Variants in ARHGAP24 observed in about 807,000 individuals in gnomAD.
ARHGAP24 encodes Rho GTPase activating protein 24, also known as rho GTPase-activating protein 24.
Under a neutral mutation model 76.4 loss-of-function variants are expected in ARHGAP24, and 50 were observed. The ratio of observed to expected loss-of-function variants is 0.65; its 90% confidence interval spans 0.52 to 0.83. The LOEUF (loss-of-function observed/expected upper bound fraction) is 0.83, where lower values mean the gene tolerates loss of function less well. ARHGAP24 is among the 40% of genes least tolerant of loss of function. The probability of loss-of-function intolerance (pLI) is 0.00; values close to 1 mark genes in which losing one functional copy is unlikely to be tolerated. For synonymous variants in ARHGAP24, 345 were observed against 323.3 expected, an observed-to-expected ratio of 1.07 and a Z score of -0.72; for missense variants, 930 against 914.2, an observed-to-expected ratio of 1.02 and a Z score of -0.22.
At chr4:85,964,301 T>G (rs1738439238) in intron 5 of ARHGAP24, among the ~76,000 whole-genome samples, 1 of 151,940 alleles carries the variant, frequency 6.6e-6, no homozygotes, top group South Asian at 2.1e-4. Context: ...GAAAAAAAAA[T>G]GCTAAAAGAG....
intron 2 of ARHGAP24, among the ~76,000 whole-genome samples, chr4:85,623,396 C>T (rs1265580882): frequency 6.6e-6 from 1 of 152,182 alleles, no homozygotes; most frequent in Non-Finnish European, 1.5e-5. Flanking sequence ...TGTCAAAGAT[C>T]AGATAGTGGT....
chr4:85,586,580 G>A (rs1033975625), intron 2 of ARHGAP24, among the ~76,000 whole-genome samples: 8 of 152,100 alleles, frequency 5.3e-5, no homozygotes, highest in East Asian at 1.9e-4. Flanking sequence ...ATTATAATTC[G>A]TATAAGGGAT....
At chr4:85,674,862 G>A (rs1015564173) in intron 2 of ARHGAP24, among the ~76,000 whole-genome samples, 3 of 152,156 alleles carry the variant, frequency 2.0e-5, no homozygotes, top group Admixed American at 6.5e-5. Flanking sequence ...ATTTGTCTGA[G>A]AGTTCCTTAT....
At chr4:85,992,146 A>G in intron 8 of ARHGAP24, 2 of 397,850 alleles carry the variant, frequency 5.0e-6, no homozygotes, top group Non-Finnish European at 8.9e-6. Flanking sequence ...TCTGGGCTTC[A>G]TGTTCCTCAT....
chr4:85,592,146 T>C (rs935550544), intron 2 of ARHGAP24, among the ~76,000 whole-genome samples: 2 of 152,182 alleles, frequency 1.3e-5, no homozygotes, highest in African/African-American at 4.8e-5. Flanking sequence ...ACAAAGAACT[T>C]TGTTTTCTCT....
At chr4:85,565,122 T>C (rs1726788918) in intron 1 of ARHGAP24, among the ~76,000 whole-genome samples, 1 of 151,562 alleles carries the variant, frequency 6.6e-6, no homozygotes, top group African/African-American at 2.4e-5. Context: ...ACCTAGCACG[T>C]AGACATACAG....
chr4:85,930,972 C>A, intron 4 of ARHGAP24: 1 of 1,613,630 alleles, frequency 6.2e-7, no homozygotes, highest in Non-Finnish European at 8.5e-7. Context: ...CGGCTGGTGC[C>A]TTAGCCTCAA....
At chr4:85,721,164 G>A (rs969370980) in intron 2 of ARHGAP24, among the ~76,000 whole-genome samples, 2 of 152,144 alleles carry the variant, frequency 1.3e-5, no homozygotes, top group African/African-American at 2.4e-5. Flanking sequence ...GGGAAGCCGA[G>A]GCAGGTGGAT....
intron 3 of ARHGAP24, among the ~76,000 whole-genome samples, chr4:85,791,851 G>C (rs534886810): frequency 6.6e-6 from 1 of 152,202 alleles, no homozygotes; most frequent in Non-Finnish European, 1.5e-5. Flanking sequence ...GTTTTGATAG[G>C]AAATGGGAAT....
At chr4:85,919,601 A>G (rs1185836299) in intron 3 of ARHGAP24, among the ~76,000 whole-genome samples, 1 of 152,164 alleles carries the variant, frequency 6.6e-6, no homozygotes, top group Non-Finnish European at 1.5e-5. Flanking sequence ...TGTGATTGGC[A>G]GTCTAAATGA....
intron 1 of ARHGAP24, among the ~76,000 whole-genome samples, chr4:85,480,538 C>T (rs902725319): frequency 6.6e-6 from 1 of 152,108 alleles, no homozygotes; most frequent in African/African-American, 2.4e-5. Context: ...ATGATGAAAA[C>T]AGATTGAATA....
intron 3 of ARHGAP24, among the ~76,000 whole-genome samples, chr4:85,767,241 C>A (rs1726962363): frequency 6.6e-6 from 1 of 152,136 alleles, no homozygotes. Flanking sequence ...TAGCTGAAGT[C>A]TTCAGGTAAT....
At chr4:85,506,508 G>A (rs902290928) in intron 1 of ARHGAP24, among the ~76,000 whole-genome samples, 5 of 152,192 alleles carry the variant, frequency 3.3e-5, no homozygotes, top group Admixed American at 6.5e-5. Flanking sequence ...ATACTGCTGC[G>A]CTAGCAGTGA....
At chr4:85,707,300 G>A (rs955055026) in intron 2 of ARHGAP24, among the ~76,000 whole-genome samples, 1 of 152,064 alleles carries the variant, frequency 6.6e-6, no homozygotes, top group Non-Finnish European at 1.5e-5. Flanking sequence ...AGATGTTGTG[G>A]GTAAAGAGAA....
chr4:85,577,005 A>G (rs1189109073), intron 2 of ARHGAP24, among the ~76,000 whole-genome samples: 1 of 151,852 alleles, frequency 6.6e-6, no homozygotes, highest in Non-Finnish European at 1.5e-5. Context: ...GAGATACTTT[A>G]TTTATCTGAT....
chr4:85,636,891 G>A (rs1721328159), intron 2 of ARHGAP24, among the ~76,000 whole-genome samples: 1 of 151,978 alleles, frequency 6.6e-6, no homozygotes, highest in Non-Finnish European at 1.5e-5. Flanking sequence ...CACTCCTGCT[G>A]TCTTACCCTC....
At chr4:85,677,094 T>C (rs1328649080) in intron 2 of ARHGAP24, among the ~76,000 whole-genome samples, 5 of 152,190 alleles carry the variant, frequency 3.3e-5, no homozygotes. Flanking sequence ...GAAGCATTCC[T>C]CTTGAGCAAC....
chr4:85,759,062 A>T (rs1463107232), intron 3 of ARHGAP24, among the ~76,000 whole-genome samples: 1 of 152,210 alleles, frequency 6.6e-6, no homozygotes, highest in African/African-American at 2.4e-5. Flanking sequence ...CCCAAATTTG[A>T]TTATCAGATG....
At chr4:85,906,175 A>G (rs188451140) in intron 3 of ARHGAP24, among the ~76,000 whole-genome samples, 5 of 152,342 alleles carry the variant, frequency 3.3e-5, no homozygotes, top group Admixed American at 3.3e-4. Flanking sequence ...TATGGCAACC[A>G]CTATAGCATA....
Sources: gnomAD v4.1 joint callset for allele counts (sites outside exome capture counted in the v4.1 genomes callset) on GRCh38, gnomAD v4.1.1 for gene constraint, MANE v1.5 for transcripts, NCBI Gene and HGNC (gene_info 2026-07-23, HGNC 2026-07-21) for gene names.